STPG1: variants seen among roughly 807,000 people sequenced by gnomAD.
STPG1 encodes sperm tail PG-rich repeat containing 1.
In STPG1, 33 loss-of-function variants were observed where a neutral mutation model predicts 40.1. The observed-to-expected ratio is 0.82, with a 90% CI of 0.62 to 1.10. The LOEUF (loss-of-function observed/expected upper bound fraction) is 1.10. Among genes scored for constraint, STPG1 ranks in the 50% least tolerant of loss-of-function variants. The probability of loss-of-function intolerance (pLI) is 0.00; values close to 1 mark genes in which losing one functional copy is unlikely to be tolerated. For missense variants in STPG1, 396 were observed against 415.1 expected, an observed-to-expected ratio of 0.95 and a Z score of 0.40; for synonymous variants, 150 against 155.0, an observed-to-expected ratio of 0.97 and a Z score of 0.24.
intron 3 of STPG1, among the ~76,000 whole-genome samples, chr1:24,390,660 C>G (rs141204017): frequency 1.3e-5 from 2 of 152,264 alleles, no homozygotes; most frequent in African/African-American, 2.4e-5. Context: ...CTCAGGTGAT[C>G]TGTCTACCTT....
chr1:24,358,369 TC>T lies in STPG1; in HGVS notation c.*173del, dbSNP rs1191381134. 2.8e-6 allele frequency: 2 copies of T among 712,822 alleles called. No individual in the cohort carries two copies. Among genetic ancestry groups the T allele is most frequent in the South Asian group, 3.0e-5 (2 of 67,322 alleles). The allele number at this position is 712,822 out of a possible 1,614,324, so 44.2% of individuals were successfully genotyped here. A position where few individuals can be genotyped will look rare whatever the true frequency, so the allele number is the denominator to read the frequency against. ...GTCTCCAGGGAGCAATGTCTCCAGC[TC>T]AAGACAAAGGCAATGGCAGCAGTCC... On this transcript the variant is annotated 3_prime_UTR_variant, in exon 9 of 9. Transcript: ENST00000337248.
chr1:24,382,431 C>T (rs1299510185), intron 4 of STPG1, among the ~76,000 whole-genome samples: 1 of 152,168 alleles, frequency 6.6e-6, no homozygotes, highest in Non-Finnish European at 1.5e-5. Flanking sequence ...CCAGTGCCTC[C>T]AGGGAGTCTC....
chr1:24,407,575 G>GAT (rs1643464710), intron 1 of STPG1, among the ~76,000 whole-genome samples: 1 of 151,888 alleles, frequency 6.6e-6, no homozygotes, highest in African/African-American at 2.4e-5. Context: ...GAGTAGCTGG[G>GAT]TACAGGTGCC....
intron 7 of STPG1, among the ~76,000 whole-genome samples, chr1:24,365,823 C>T (rs143161454): frequency 1.3e-5 from 2 of 152,240 alleles, no homozygotes; most frequent in African/African-American, 4.8e-5. Context: ...TCCCTTCCCC[C>T]AGGCCCACAG....
intron 2 of STPG1, 97 bp from the exon 3 acceptor site, chr1:24,391,776 T>C: frequency 8.4e-7 from 1 of 1,192,216 alleles, no homozygotes; most frequent in Non-Finnish European, 1.1e-6. Context: ...TTATTTTAAA[T>C]GGTAGAGAAG....
intron 4 of STPG1, among the ~76,000 whole-genome samples, chr1:24,382,509 G>A: frequency 6.6e-6 from 1 of 152,214 alleles, no homozygotes; most frequent in African/African-American, 2.4e-5. Context: ...ATCCACAGCT[G>A]AGGCAGGATC....
chr1:24,373,742 T>C lies in STPG1; in HGVS notation c.531A>G (p.Gln177=). The C allele has an allele frequency of 3.7e-6, 6 of 1,612,694 alleles. No homozygotes were observed. The highest frequency in any genetic ancestry group is 1.1e-5 in the South Asian group (1 of 91,048). ...TATCAGCAAAAGCGAAAGATCCTCT[T>C]TGGGTTTTTGACATAAACCCGGCTC... is the stretch of plus-strand genomic sequence containing the variant. ...CTRAGFMSKT[Q]RGSFAFADKG... is the part of the protein sequence containing the mutation. Residue 177 remains glutamine, a synonymous_variant, in exon 6 of 9, where the codon CAA becomes CAG. Transcript: ENST00000337248.
chr1:24,400,774 T>C (rs1416974428), intron 2 of STPG1, among the ~76,000 whole-genome samples: 1 of 152,188 alleles, frequency 6.6e-6, no homozygotes, highest in Non-Finnish European at 1.5e-5. Context: ...AGGGAGCACA[T>C]GAGCTGGGAC....
chr1:24,401,459 G>A lies in STPG1; in HGVS notation c.-68-3C>T. On this transcript the variant is annotated splice_region_variant and splice_polypyrimidine_tract_variant and intron_variant, in intron 1 of 8. Transcript: ENST00000337248. Reference sequence around the variant, plus strand: ...CTACTGCATGTTCTCCTAAGCACCTGAAACAGCAAAACACAGCATTTGTAG... The same window carrying A: ...CTACTGCATGTTCTCCTAAGCACCTAAAACAGCAAAACACAGCATTTGTAG... 1 of 1,307,440 alleles carries A rather than the reference G, an allele frequency of 7.6e-7. No individual in the cohort carries two copies. The highest frequency in any genetic ancestry group is 1.1e-6 in the Non-Finnish European group (1 of 907,084). 81.0% of individuals were successfully genotyped at this position (1,307,440 alleles called of 1,614,324 possible).
chr1:24,409,556 A>G (rs1349343776), intron 1 of STPG1, among the ~76,000 whole-genome samples: 1 of 152,224 alleles, frequency 6.6e-6, no homozygotes, highest in African/African-American at 2.4e-5. Flanking sequence ...TTTATTTTCC[A>G]GTTTCAGTTA....
At chr1:24,378,418 G>A (rs964874404) in intron 5 of STPG1, among the ~76,000 whole-genome samples, 1 of 152,138 alleles carries the variant, frequency 6.6e-6, no homozygotes, top group Non-Finnish European at 1.5e-5. Flanking sequence ...GGTGGATCAC[G>A]AGATCAGGAG....
At chr1:24,404,312 T>C (rs1194129649) in intron 1 of STPG1, among the ~76,000 whole-genome samples, 1 of 152,222 alleles carries the variant, frequency 6.6e-6, no homozygotes, top group African/African-American at 2.4e-5. Flanking sequence ...CTTTTATATA[T>C]TGAAGGATTC....
At chr1:24,408,056 G>C (rs1470631589) in intron 1 of STPG1, among the ~76,000 whole-genome samples, 4 of 152,148 alleles carry the variant, frequency 2.6e-5, no homozygotes, top group Admixed American at 1.3e-4. Context: ...TGGACATTTT[G>C]AATTTTACAT....
rs147769927 is a variant in STPG1, at chr1:24,369,054, T to C, written c.737+620A>G. ...GCAAAATCCTACGAGGCAGGAATTA[T>C]TCCCACCTTACAGATGAGGGCATGG... On this transcript the variant is annotated intron_variant, in intron 7 of 8. Coordinates refer to ENST00000337248, the MANE Select transcript of STPG1 (RefSeq NM_001199013.2). 8.4e-4 allele frequency: 168 copies of C among 200,992 alleles called. 1 individual carries two copies. The highest frequency in any genetic ancestry group is 3.6e-3 in the African/African-American group (152 of 42,686). The allele number at this position is 200,992 out of a possible 1,614,324, so 12.5% of individuals were successfully genotyped here. A position where few individuals can be genotyped will look rare whatever the true frequency, so the allele number is the denominator to read the frequency against.
In STPG1 at chr1:24,360,937, C is replaced by CAAA. The variant is rs773614850; in HGVS notation, c.841_842insTTT (p.Arg281delinsLeuCys). The stretch of plus-strand genomic sequence containing the variant: ...TGATGCACTAGAGATGAAATGCTTG[C>CAAA]GGGGGCCTAAGTAGTCCACGATCTC... On this transcript the variant is annotated protein_altering_variant, in exon 8 of 9. Transcript: ENST00000337248. The CAAA allele has an allele frequency of 2.5e-6, 4 of 1,613,838 alleles. No individual in the cohort carries two copies. In the African/African-American group the frequency reaches 5.3e-5, roughly 22 times the overall value.
chr1:24,392,143 C>T (rs996667083), intron 2 of STPG1: 4 of 918,124 alleles, frequency 4.4e-6, no homozygotes, highest in Admixed American at 6.0e-5. Context: ...CTGGCTCTCA[C>T]TTTTCAGGGC....
intron 3 of STPG1, 25 bp from the exon 4 acceptor site, chr1:24,384,028 C>T: frequency 7.3e-7 from 1 of 1,376,060 alleles, no homozygotes; most frequent in Non-Finnish European, 1.0e-6. Context: ...AAGGTGGTGT[C>T]ATCGAGATAC....
chr1:24,377,557 C>T (rs531952165), intron 5 of STPG1, among the ~76,000 whole-genome samples: 1 of 152,286 alleles, frequency 6.6e-6, no homozygotes, highest in East Asian at 1.9e-4. Context: ...TCTCTGACCA[C>T]CAAGTCAGAG....
intron 4 of STPG1, among the ~76,000 whole-genome samples, chr1:24,381,685 G>A (rs1408253537): frequency 6.6e-6 from 1 of 152,236 alleles, no homozygotes; most frequent in East Asian, 1.9e-4. Flanking sequence ...TCATGAGGAA[G>A]TTTCTAAAAT....
Sources: allele counts gnomAD v4.1 joint callset (sites outside exome capture counted in the v4.1 genomes callset), GRCh38; gene constraint gnomAD v4.1.1; transcripts MANE v1.5; gene names NCBI Gene and HGNC (gene_info 2026-07-23, HGNC 2026-07-21).